The following SESTD1 variants were observed in gnomAD, a reference collection of about 807,000 sequenced individuals.
The protein encoded by SESTD1 is SEC14 domain and spectrin repeat-containing protein 1.
Under a neutral mutation model 101.7 loss-of-function variants are expected in SESTD1, and 43 were observed. The observed-to-expected ratio is 0.42, with a 90% CI of 0.33 to 0.55. The LOEUF (loss-of-function observed/expected upper bound fraction) is 0.55, where lower values mean the gene tolerates loss of function less well. Ranked by LOEUF, SESTD1 falls within the 20% of genes least tolerant of loss-of-function variation. The probability of loss-of-function intolerance (pLI) is 0.07; values close to 1 mark genes in which losing one functional copy is unlikely to be tolerated. For synonymous variants in SESTD1, 283 were observed against 286.8 expected (o/e 0.99, Z 0.13); for missense variants, 647 against 815.1 (o/e 0.79, Z 2.51).
chr2:179,169,588 T>C (rs535151328), intron 5 of SESTD1, among the ~76,000 whole-genome samples: 19 of 152,224 alleles, frequency 1.2e-4, no homozygotes, highest in South Asian at 6.2e-4. Flanking sequence ...AAGAATCATC[T>C]TGACAGTTAC....
chr2:179,115,070 C>T lies in SESTD1; in HGVS notation c.1834G>A (p.Glu612Lys). 1.2e-6 allele frequency: 2 copies of T among 1,608,376 alleles called. No homozygotes were observed. The highest frequency in any genetic ancestry group is 1.7e-6 in the Non-Finnish European group (2 of 1,178,580). ...TTTCAAAAACACAAGCAAACCTTTT[C>T]AGCATTTGAGTGAAATGCAATAGCC... ...EMAIAFHSNA[E>K]KILQDCPEEP... The change falls in exon 16 of 18, where the codon GAA (glutamate) becomes AAA (lysine). Residue 612 changes from glutamate to lysine, a missense_variant. This residue lies in a region of SESTD1 where 476 missense variants were observed against 562.6 expected (regional missense o/e 0.85). Coordinates refer to ENST00000428443, the MANE Select transcript of SESTD1 (RefSeq NM_178123.5).
chr2:179,254,652 C>G (rs1175848110), intron 1 of SESTD1, among the ~76,000 whole-genome samples: 3 of 152,216 alleles, frequency 2.0e-5, no homozygotes, highest in Admixed American at 2.0e-4. Flanking sequence ...GTCTTCCAGG[C>G]AGTCTTCACT....
intron 1 of SESTD1, among the ~76,000 whole-genome samples, chr2:179,219,274 T>C (rs576350882): frequency 1.3e-5 from 2 of 152,200 alleles, no homozygotes; most frequent in East Asian, 1.9e-4. Flanking sequence ...GAGACTGTAA[T>C]TGATGATGTG....
intron 5 of SESTD1, among the ~76,000 whole-genome samples, chr2:179,170,515 T>C (rs56151120): frequency 0.01 from 1,540 of 152,278 alleles, 17 homozygotes; most frequent in Non-Finnish European, 0.015. Context: ...ACCCTTGTAA[T>C]TCCTAGGTGA....
At chr2:179,132,492 T>G (rs2045034746) in intron 9 of SESTD1, 66 bp from the exon 10 acceptor site, 2 of 1,519,116 alleles carry the variant, frequency 1.3e-6, no homozygotes, top group Non-Finnish European at 1.8e-6. Context: ...TCATTCTAAC[T>G]TATTTTTCCC....
At chr2:179,230,384 C>T (rs376101313) in intron 1 of SESTD1, among the ~76,000 whole-genome samples, 10 of 152,014 alleles carry the variant, frequency 6.6e-5, no homozygotes, top group Admixed American at 3.3e-4. Context: ...CATCTGCCCA[C>T]CTCAGCCTCC....
intron 9 of SESTD1, among the ~76,000 whole-genome samples, chr2:179,139,747 T>A (rs2045236428): frequency 6.6e-6 from 1 of 152,100 alleles, no homozygotes. Flanking sequence ...AGTTTCCACA[T>A]CCTGCTGACT....
chr2:179,175,354 CTTAA>C (rs1258509262), intron 4 of SESTD1, among the ~76,000 whole-genome samples: 13 of 151,006 alleles, frequency 8.6e-5, no homozygotes, highest in South Asian at 2.1e-4. Context: ...AACCATTCTC[CTTAA>C]TTATCATTTA....
At chr2:179,112,015 G>T (rs182730307) in intron 17 of SESTD1, among the ~76,000 whole-genome samples, 6 of 152,224 alleles carry the variant, frequency 3.9e-5, no homozygotes, top group African/African-American at 1.4e-4. Flanking sequence ...CACCACGCCC[G>T]GCTGAAGCTC....
chr2:179,123,077 C>A (rs978789086), intron 12 of SESTD1, among the ~76,000 whole-genome samples: 1 of 152,106 alleles, frequency 6.6e-6, no homozygotes, highest in Non-Finnish European at 1.5e-5. Flanking sequence ...TTTTGTCCCC[C>A]CTTGATACGA....
chr2:179,217,430 A>G (rs990122025), intron 1 of SESTD1, among the ~76,000 whole-genome samples: 1 of 152,258 alleles, frequency 6.6e-6, no homozygotes, highest in Non-Finnish European at 1.5e-5. Flanking sequence ...CCACAGTGAG[A>G]TACCATCTCA....
At chr2:179,171,623 C>T (rs1482816209) in intron 5 of SESTD1, among the ~76,000 whole-genome samples, 2 of 152,066 alleles carry the variant, frequency 1.3e-5, no homozygotes, top group African/African-American at 2.4e-5. Flanking sequence ...CATCATAGTG[C>T]TTTTTTCTAA....
intron 7 of SESTD1, 88 bp downstream of exon 7, chr2:179,149,209 C>T (rs1487670402): frequency 4.6e-6 from 4 of 874,194 alleles, no homozygotes; most frequent in Non-Finnish European, 6.9e-6. Flanking sequence ...TACTGTAGTT[C>T]TTTTAGCTTG....
chr2:179,240,138 T>C (rs557657965), intron 1 of SESTD1, among the ~76,000 whole-genome samples: 15 of 152,248 alleles, frequency 9.9e-5, no homozygotes, highest in Non-Finnish European at 1.3e-4. Flanking sequence ...TCCTATAGAA[T>C]AGAATTCTAT....
chr2:179,132,493 T>TA (rs2045034798), intron 9 of SESTD1, 67 bp from the exon 10 acceptor site: 2 of 1,518,568 alleles, frequency 1.3e-6, no homozygotes, highest in African/African-American at 2.9e-5. Flanking sequence ...CATTCTAACT[T>TA]ATTTTTCCCC....
At chr2:179,236,441 G>A (rs2047067529) in intron 1 of SESTD1, among the ~76,000 whole-genome samples, 1 of 151,110 alleles carries the variant, frequency 6.6e-6, no homozygotes, top group Non-Finnish European at 1.5e-5. Flanking sequence ...AGGTTACAAT[G>A]AGCTACAATC....
chr2:179,246,347 C>T (rs2047231521), intron 1 of SESTD1, among the ~76,000 whole-genome samples: 1 of 151,256 alleles, frequency 6.6e-6, no homozygotes, highest in African/African-American at 2.4e-5. Flanking sequence ...ATAAAAGGGC[C>T]AATTCATCAA....
chr2:179,134,107 C>T (rs1371967364), intron 9 of SESTD1, among the ~76,000 whole-genome samples: 1 of 152,154 alleles, frequency 6.6e-6, no homozygotes, highest in African/African-American at 2.4e-5. Context: ...CATCTTTGAT[C>T]TTGGTATCCA....
rs1443883359 is a variant in SESTD1 at position 179,117,549 on chromosome 2, C to T, written c.1507G>A (p.Glu503Lys). The T allele has an allele frequency of 2.5e-6, 4 of 1,577,996 alleles. No homozygotes were observed. The highest frequency in any genetic ancestry group is 2.6e-6 in the Non-Finnish European group (3 of 1,167,274). ...CTCCTTACCTGGGCAGCATCTTCTT[C>T]ACATTTAAACAACTGCACCATCTGA... is the stretch of plus-strand genomic sequence containing the variant. ...MLQMVQLFKC[E>K]EDAAQAVEWL... The change falls in exon 14 of 18, where the codon GAA becomes AAA. Residue 503 changes from glutamate (E) to lysine (K), a missense_variant. Around this residue, in one of 3 missense-constraint regions of SESTD1, gnomAD observed 476 missense variants for 562.6 expected, o/e 0.85. Coordinates refer to ENST00000428443, the MANE Select transcript of SESTD1 (RefSeq NM_178123.5).
Sources: gnomAD v4.1 joint callset for allele counts (sites outside exome capture counted in the v4.1 genomes callset) on GRCh38, gnomAD v4.1.1 for gene constraint, gnomAD v4.1.1 regional missense constraint, MANE v1.5 for transcripts, NCBI Gene and HGNC (gene_info 2026-07-23, HGNC 2026-07-21) for gene names.